The following MAP2K4 variants were observed in gnomAD, a reference collection of about 807,000 sequenced individuals.
MAP2K4 encodes dual specificity mitogen-activated protein kinase kinase 4.
In MAP2K4, 4 loss-of-function variants were observed where a neutral mutation model predicts 48.5. The ratio of observed to expected loss-of-function variants is 0.08; its 90% CI spans 0.04 to 0.19. The LOEUF (loss-of-function observed/expected upper bound fraction) is 0.19, where lower values mean the gene tolerates loss of function less well. MAP2K4 is among the 10% of genes least tolerant of loss of function. The pLI is 1.00. For missense variants in MAP2K4, 258 were observed against 493.3 expected (o/e 0.52, Z 4.52); for synonymous variants, 166 against 173.1 (o/e 0.96, Z 0.32).
chr17:12,040,174 A>G (rs999204211), intron 1 of MAP2K4, among the ~76,000 whole-genome samples: 24 of 152,324 alleles, frequency 1.6e-4, no homozygotes, highest in African/African-American at 5.5e-4. Context: ...GTTCTGGCCC[A>G]TTAACTTTGC....
At chr17:12,061,601 G>A (rs1401520610) in intron 2 of MAP2K4, among the ~76,000 whole-genome samples, 4 of 152,192 alleles carry the variant, frequency 2.6e-5, no homozygotes, top group African/African-American at 9.7e-5. Flanking sequence ...GTTGAGTTGT[G>A]TGCTTTTGGT....
Position 12,053,183 on chromosome 17 carries a change from C to CT in MAP2K4, c.116-1697dup, listed in dbSNP as rs935546924. 5.7e-4 allele frequency among the ~76,000 whole-genome samples: 86 copies of CT among 150,766 alleles called. 1 individual carries two copies. The highest frequency in any genetic ancestry group is 1.4e-3 in the African/African-American group (57 of 41,124). Reference sequence around the variant, plus strand: ...AAAAGAGCATATTTACTAAAAAAACCTTTTTTTTTGTATATTGCTGAACCT... The same window carrying CT: ...AAAAGAGCATATTTACTAAAAAAACCTTTTTTTTTTGTATATTGCTGAACCT... On this transcript the variant is annotated intron_variant, in intron 1 of 10. Transcript: ENST00000353533.
chr17:12,135,075 GT>G (rs199758448), intron 9 of MAP2K4, among the ~76,000 whole-genome samples: 2 of 151,570 alleles, frequency 1.3e-5, no homozygotes, highest in African/African-American at 4.8e-5. Context: ...GCTAATTTTT[GT>G]TTTTTTGTTG....
Position 12,081,556 on chromosome 17 carries a change from G to C in MAP2K4, c.393+26G>C, listed in dbSNP as rs765477656. 1 of 1,610,054 alleles carries C rather than the reference G, an allele frequency of 6.2e-7. No individual in the cohort carries two copies. ...GTAGGTGATGCCATGATTATTTTTGGTACTTTAATCCATTAGGTGAAATTT... is the reference window on the plus strand; with the variant it reads ...GTAGGTGATGCCATGATTATTTTTGCTACTTTAATCCATTAGGTGAAATTT... On this transcript the variant is annotated intron_variant, in intron 3 of 10. Transcript: ENST00000353533. This position sits in a 1 kb window ranked among gnomAD's most constrained non-coding sequence, Gnocchi z 4.2.
At chr17:12,130,446 TA>T (rs1156292747) in intron 9 of MAP2K4, among the ~76,000 whole-genome samples, 2 of 152,250 alleles carry the variant, frequency 1.3e-5, no homozygotes, top group Non-Finnish European at 2.9e-5. Context: ...ATTTCATTTT[TA>T]TGACATATTT....
intron 4 of MAP2K4, among the ~76,000 whole-genome samples, chr17:12,101,539 C>T (rs1212694720): frequency 6.6e-6 from 1 of 151,986 alleles, no homozygotes. Context: ...TACCAAAAAA[C>T]CCGAAAAAAA....
chr17:12,143,529 A>C lies in MAP2K4; in HGVS notation c.*2269A>C, dbSNP rs1973440968. On this transcript the variant is annotated 3_prime_UTR_variant, in exon 11 of 11. Coordinates refer to ENST00000353533, the MANE Select transcript of MAP2K4 (RefSeq NM_003010.4). The stretch of plus-strand genomic sequence containing the variant: ...AATGTATAAAAATTATCAAAAAGCT[A>C]ATGTGCAGGGATATTGCCTTATTTG... 4.3e-6 allele frequency: 1 copy of C among 231,300 alleles called. No homozygotes were observed. The highest frequency in any genetic ancestry group is 5.6e-5 in the Admixed American group (1 of 17,714). 14.3% of individuals were successfully genotyped at this position (231,300 alleles called of 1,614,324 possible). A position where few individuals can be genotyped will look rare whatever the true frequency, so the allele number is the denominator to read the frequency against.
chr17:12,079,778 C>A (rs572582992), intron 2 of MAP2K4, among the ~76,000 whole-genome samples: 2 of 152,106 alleles, frequency 1.3e-5, no homozygotes, highest in South Asian at 4.1e-4. Context: ...GAACTTTTTT[C>A]AGGCTTAATC....
chr17:12,061,883 CTT>C (rs1342589439), intron 2 of MAP2K4, among the ~76,000 whole-genome samples: 1 of 149,232 alleles, frequency 6.7e-6, no homozygotes, highest in Non-Finnish European at 1.5e-5. Flanking sequence ...ATGAAGGTAA[CTT>C]TTTTCAGTGT....
In MAP2K4 at chr17:12,069,890, CATATATATATATATATATAT is replaced by C. The variant is rs56309746; in HGVS notation, c.219-11423_219-11404del. 6.6e-3 allele frequency: 1,201 copies of C among 182,802 alleles called. 30 individuals carry two copies. Among genetic ancestry groups the C allele is most frequent in the African/African-American group, 0.017 (226 of 13,052 alleles). 11.3% of individuals were successfully genotyped at this position (182,802 alleles called of 1,614,324 possible). On this transcript the variant is annotated intron_variant, in intron 2 of 10. Transcript: ENST00000353533. ...ATTTTCCTGTCTAAGGAAGATTAGT[CATATATATATATATATATAT>C]ATATATATATATATATATATATATA...
chr17:12,049,957 A>G lies in MAP2K4; in HGVS notation c.116-4932A>G, dbSNP rs113277321. Among the ~76,000 whole-genome samples the G allele has an allele frequency of 1.8e-3, 268 of 152,350 alleles. 1 individual carries two copies. The highest frequency in any genetic ancestry group is 6.0e-3 in the African/African-American group (251 of 41,590). On this transcript the variant is annotated intron_variant, in intron 1 of 10. Coordinates refer to ENST00000353533, the MANE Select transcript of MAP2K4 (RefSeq NM_003010.4). ...TAGAGGCAGCTATTGTAGATCCTTC[A>G]GTGGTCTTCATTACCATGAACAATG...
intron 4 of MAP2K4, among the ~76,000 whole-genome samples, chr17:12,105,217 G>A (rs2151570540): frequency 6.6e-6 from 1 of 152,094 alleles, no homozygotes; most frequent in Non-Finnish European, 1.5e-5. Flanking sequence ...TGAAAATTTT[G>A]ATTAGAATTT....
At chr17:12,098,602 G>A (rs1167462113) in intron 4 of MAP2K4, among the ~76,000 whole-genome samples, 1 of 151,880 alleles carries the variant, frequency 6.6e-6, no homozygotes, top group Non-Finnish European at 1.5e-5. Context: ...ACTTAAACAT[G>A]CATCTTTTTT....
rs544055289 is a variant in MAP2K4 at position 12,142,368 on chromosome 17, T to A, written c.*1108T>A. On this transcript the variant is annotated 3_prime_UTR_variant, in exon 11 of 11. Transcript: ENST00000353533. ...CAGGTCTTCAGTTTCCGAATCTCTTTCCCTTCCCCTGTGGTCTATTGTCGC... is the reference window on the plus strand; with the variant it reads ...CAGGTCTTCAGTTTCCGAATCTCTTACCCTTCCCCTGTGGTCTATTGTCGC... The A allele has an allele frequency of 4.3e-5, 10 of 233,170 alleles. No homozygotes were observed. Among genetic ancestry groups the A allele is most frequent in the Non-Finnish European group, 8.5e-5 (10 of 117,962 alleles). 14.4% of individuals were successfully genotyped at this position (233,170 alleles called of 1,614,324 possible). A position where few individuals can be genotyped will look rare whatever the true frequency, so the allele number is the denominator to read the frequency against.
At chr17:12,109,072 CT>C (rs956745102) in intron 5 of MAP2K4, among the ~76,000 whole-genome samples, 13 of 152,012 alleles carry the variant, frequency 8.6e-5, no homozygotes, top group African/African-American at 2.9e-4. Flanking sequence ...CATAGTAACT[CT>C]CTGTGGTAAA....
intron 5 of MAP2K4, among the ~76,000 whole-genome samples, chr17:12,109,380 T>C (rs1453681514): frequency 2.0e-5 from 3 of 152,194 alleles, no homozygotes; most frequent in African/African-American, 7.2e-5. Context: ...ATACTTTGTA[T>C]TTAGTCTCTT....
intron 8 of MAP2K4, among the ~76,000 whole-genome samples, chr17:12,127,228 A>G (rs1972882334): frequency 6.6e-6 from 1 of 152,164 alleles, no homozygotes; most frequent in East Asian, 1.9e-4. Flanking sequence ...TACCTTCTGG[A>G]ATCTTTTCTC....
intron 7 of MAP2K4, among the ~76,000 whole-genome samples, chr17:12,123,432 T>A (rs926299342): frequency 6.6e-6 from 1 of 152,216 alleles, no homozygotes; most frequent in Non-Finnish European, 1.5e-5. Context: ...TTTCTTTTTC[T>A]GTGGGTCAGT....
chr17:12,086,280 T>C (rs1372182037), intron 3 of MAP2K4, among the ~76,000 whole-genome samples: 1 of 152,170 alleles, frequency 6.6e-6, no homozygotes, highest in Non-Finnish European at 1.5e-5. Flanking sequence ...GCTGTATTCT[T>C]TTATGCTTCC....
Sources: allele counts gnomAD v4.1 joint callset (sites outside exome capture counted in the v4.1 genomes callset), GRCh38; gene constraint gnomAD v4.1.1; non-coding constraint Gnocchi (gnomAD v3.1); transcripts MANE v1.5; gene names NCBI Gene and HGNC (gene_info 2026-07-23, HGNC 2026-07-21).